Variants in NPSR1 observed in about 807,000 individuals in gnomAD.
The protein encoded by NPSR1 is neuropeptide S receptor.
A neutral mutation model predicts 46.9 loss-of-function variants in NPSR1; 48 were observed. That is an observed-to-expected ratio of 1.02 (90% CI 0.81 to 1.30). The LOEUF (loss-of-function observed/expected upper bound fraction) is 1.30, where lower values mean the gene tolerates loss of function less well. NPSR1 is among the 50% of genes most tolerant of loss of function. The pLI is 0.00. For missense variants in NPSR1, 450 were observed against 449.5 expected, an observed-to-expected ratio of 1.00 and a Z score of -0.01; for synonymous variants, 176 against 168.1, an observed-to-expected ratio of 1.05 and a Z score of -0.36.
intron 4 of NPSR1, among the ~76,000 whole-genome samples, chr7:34,813,436 C>A (rs1413929390): frequency 6.6e-6 from 1 of 152,176 alleles, no homozygotes; most frequent in Non-Finnish European, 1.5e-5. Context: ...CCCACACAGT[C>A]TGGGTCTAGC....
chr7:34,681,338 G>T (rs1464972571), intron 1 of NPSR1, among the ~76,000 whole-genome samples: 1 of 152,212 alleles, frequency 6.6e-6, no homozygotes, highest in East Asian at 1.9e-4. Flanking sequence ...GGGCACAGGG[G>T]TGAGGATGGA....
chr7:34,705,256 G>A (rs564910301), intron 2 of NPSR1, among the ~76,000 whole-genome samples: 24 of 151,692 alleles, frequency 1.6e-4, no homozygotes, highest in South Asian at 4.2e-4. Flanking sequence ...GTGAAACCCC[G>A]TCTCTATTAA....
At chr7:34,811,272 G>C (rs1387090761) in intron 3 of NPSR1, among the ~76,000 whole-genome samples, 1 of 152,094 alleles carries the variant, frequency 6.6e-6, no homozygotes, top group African/African-American at 2.4e-5. Context: ...AACTGGAAGG[G>C]GGATGGAGTG....
chr7:34,792,689 G>GTATATATATATGTATATATATATATTTA lies in NPSR1; in HGVS notation c.384+14134_384+14135insTGTATATATATATATTTATATATATATA, dbSNP rs1489386225. 5.5e-4 allele frequency among the ~76,000 whole-genome samples: 41 copies of GTATATATATATGTATATATATATATTTA among 74,316 alleles called. 3 individuals carry two copies. Among genetic ancestry groups the GTATATATATATGTATATATATATATTTA allele is most frequent in the Non-Finnish European group, 8.6e-4 (32 of 37,052 alleles). 48.8% of individuals were successfully genotyped at this position (74,316 alleles called of 152,430 possible). On this transcript the variant is annotated intron_variant, in intron 3 of 8. Transcript: ENST00000360581. Reference sequence around the variant, plus strand: ...TTTATATATATGTATATATATATATGTATATATATACGTATATATATATAT... The same window carrying GTATATATATATGTATATATATATATTTA: ...TTTATATATATGTATATATATATATGTATATATATATGTATATATATATATTTATATATATATACGTATATATATATAT...
chr7:34,871,804 G>T (rs1791459435), intron 8 of NPSR1, among the ~76,000 whole-genome samples: 1 of 151,944 alleles, frequency 6.6e-6, no homozygotes. Flanking sequence ...GGCTCCCAAG[G>T]CCTTGGGCAG....
intron 8 of NPSR1, among the ~76,000 whole-genome samples, chr7:34,861,976 T>C (rs10247391): frequency 0.28 from 42,271 of 151,702 alleles, 6,498 homozygotes; most frequent in Middle Eastern, 0.35. Flanking sequence ...TGATCCTCAG[T>C]GATCAGAAAT....
chr7:34,683,192 C>A (rs1264220484), intron 1 of NPSR1, among the ~76,000 whole-genome samples: 1 of 152,026 alleles, frequency 6.6e-6, no homozygotes, highest in African/African-American at 2.4e-5. Flanking sequence ...ACCTATAATC[C>A]CAGCACTTTG....
chr7:34,750,925 C>CG, intron 2 of NPSR1: 1 of 742,012 alleles, frequency 1.3e-6, no homozygotes, highest in East Asian at 2.8e-5. Context: ...ACCCCCAGCT[C>CG]GGGGTCTGAC....
At chr7:34,834,327 G>A (rs1790266609) in intron 5 of NPSR1, 57 bp from the exon 6 acceptor site, 1 of 1,340,230 alleles carries the variant, frequency 7.5e-7, no homozygotes, top group East Asian at 2.3e-5. Context: ...TCTTCTCTGT[G>A]TCCTCACAGT....
chr7:34,730,949 T>C (rs1360795347), intron 2 of NPSR1, among the ~76,000 whole-genome samples: 3 of 152,158 alleles, frequency 2.0e-5, no homozygotes, highest in East Asian at 1.9e-4. Flanking sequence ...GGAGAGAATA[T>C]AGTAAAATAG....
chr7:34,875,370 C>T (rs930241493), intron 8 of NPSR1, among the ~76,000 whole-genome samples: 3 of 152,338 alleles, frequency 2.0e-5, no homozygotes, highest in Non-Finnish European at 4.4e-5. Flanking sequence ...GATTCCCACA[C>T]ATTGAAGATT....
downstream of NPSR1, among the ~76,000 whole-genome samples, chr7:34,853,078 T>C (rs959570497): frequency 6.6e-6 from 1 of 152,132 alleles, no homozygotes; most frequent in Non-Finnish European, 1.5e-5. Context: ...TGGATAATCA[T>C]GAGAAAAAAG....
At chr7:34,827,643 C>CGGGGGGGGGGGGG (rs1554336796) in intron 5 of NPSR1, 41 bp downstream of exon 5, 13 of 405,654 alleles carry the variant, frequency 3.2e-5, no homozygotes, top group South Asian at 9.9e-5. Context: ...GGGGGTGGGG[C>CGGGGGGGGGGGGG]GGGGGGGGCT....
rs77260034 is a variant in NPSR1, at chr7:34,849,600, G to A, written c.1061G>A (p.Arg354Gln). ...TCACAGGATTCCAGAATGACGTTCC[G>A]GGAGAGAACTGAGAGGCATGAGATG... ...QRSQDSRMTF[R>Q]ERTERHEMQI... The change falls in exon 9 of 9, where the codon CGG becomes CAG. Residue 354 changes from arginine (R) to glutamine (Q), a missense_variant. Arg to Gln is a conservative substitution (Grantham distance 43, BLOSUM62 1). Transcript: ENST00000360581. 2.0e-4 allele frequency: 323 copies of A among 1,613,952 alleles called. No individual in the cohort carries two copies. The highest frequency in any genetic ancestry group is 2.4e-4 in the Non-Finnish European group (283 of 1,180,022).
chr7:34,862,222 C>T (rs368700957), intron 8 of NPSR1, among the ~76,000 whole-genome samples: 4 of 151,564 alleles, frequency 2.6e-5, no homozygotes, highest in East Asian at 1.9e-4. Context: ...AGCGTAATTG[C>T]GGGAGTGGGA....
Position 34,790,839 on chromosome 7 carries a change from A to T in NPSR1, c.384+12274A>T, listed in dbSNP as rs1222873852. On this transcript the variant is annotated intron_variant, in intron 3 of 8. Transcript: ENST00000360581. ...TATGTTATAGGTTATATGTTATGTTATATATATGTTATATGTTATGTTATA... is the reference window on the plus strand; with the variant it reads ...TATGTTATAGGTTATATGTTATGTTTTATATATGTTATATGTTATGTTATA... Among the ~76,000 whole-genome samples, 4 of 125,920 alleles carry T rather than the reference A, an allele frequency of 3.2e-5. 1 individual carries two copies. The South Asian group carries it at 9.6e-4, about 30-fold the overall frequency. The allele number at this position is 125,920 out of a possible 152,430, so 82.6% of individuals were successfully genotyped here. A position where few individuals can be genotyped will look rare whatever the true frequency, so the allele number is the denominator to read the frequency against.
chr7:34,687,925 T>G (rs947612560), intron 2 of NPSR1, among the ~76,000 whole-genome samples: 12 of 152,148 alleles, frequency 7.9e-5, no homozygotes, highest in African/African-American at 2.9e-4. Flanking sequence ...CCCCTTAAAG[T>G]ATTAGCTGAT....
exon 9 of NPSR1, chr7:34,878,148 T>C (rs1303004014): frequency 6.2e-7 from 1 of 1,608,516 alleles, no homozygotes; most frequent in Non-Finnish European, 8.5e-7. Flanking sequence ...GGAAGGGTAC[T>C]TGGCCAGGTG....
chr7:34,747,769 G>A (rs1343388137), intron 2 of NPSR1, among the ~76,000 whole-genome samples: 2 of 152,316 alleles, frequency 1.3e-5, no homozygotes, highest in Admixed American at 6.5e-5. Context: ...AGCAGAGTAG[G>A]AGTTTTTACT....
Sources: gnomAD v4.1 joint callset for allele counts (sites outside exome capture counted in the v4.1 genomes callset) on GRCh38, gnomAD v4.1.1 for gene constraint, MANE v1.5 for transcripts, NCBI Gene and HGNC (gene_info 2026-07-23, HGNC 2026-07-21) for gene names.